TDRD9: variants seen among roughly 807,000 people sequenced by gnomAD.
TDRD9 encodes the protein ATP-dependent RNA helicase TDRD9.
A neutral mutation model predicts 172.6 loss-of-function variants in TDRD9; 124 were observed. The ratio of observed to expected loss-of-function variants is 0.72; its 90% CI spans 0.62 to 0.83. The LOEUF (loss-of-function observed/expected upper bound fraction) is 0.83, where lower values mean the gene tolerates loss of function less well. Among genes scored for constraint, TDRD9 ranks in the 40% least tolerant of loss-of-function variants. The pLI, the probability that TDRD9 is intolerant of heterozygous loss-of-function variation, is 0.00. For missense variants in TDRD9, 1,479 were observed against 1,714.1 expected (o/e 0.86, Z 2.42); for synonymous variants, 619 against 617.1 (o/e 1.00, Z -0.05).
intron 1 of TDRD9, chr14:103,940,955 G>A: frequency 6.5e-7 from 1 of 1,535,388 alleles, no homozygotes; most frequent in East Asian, 2.4e-5. Context: ...ATCACAGAAG[G>A]AGCAGAGCAG....
At chr14:103,992,592 G>T (rs968997227) in intron 9 of TDRD9, among the ~76,000 whole-genome samples, 1 of 152,076 alleles carries the variant, frequency 6.6e-6, no homozygotes, top group African/African-American at 2.4e-5. Flanking sequence ...CAGTGCTCAC[G>T]CCTGGAATCC....
At chr14:103,999,161 G>C (rs138170848) in intron 13 of TDRD9, among the ~76,000 whole-genome samples, 54 of 152,276 alleles carry the variant, frequency 3.5e-4, no homozygotes, top group African/African-American at 1.3e-3. Context: ...CTTGGAACGA[G>C]TTTTAAGTTT....
At chr14:103,965,968 CAAAA>C (rs1158333461) in intron 4 of TDRD9, among the ~76,000 whole-genome samples, 1 of 151,412 alleles carries the variant, frequency 6.6e-6, no homozygotes, top group African/African-American at 2.4e-5. Context: ...AACAAACAAA[CAAAA>C]AAAGAAACCA....
Position 103,966,640 on chromosome 14 carries a change from TATATTA to T in TDRD9, c.643-65_643-60del, listed in dbSNP as rs2032760523. On this transcript the variant is annotated intron_variant, in intron 4 of 35. Coordinates refer to ENST00000409874, the MANE Select transcript of TDRD9 (RefSeq NM_153046.3). ...TTTTCATTCCCTTTCTTACCCCCAT[TATATTA>T]ATAAAATGGACATAACTTTTTTTTT... 5.1e-6 allele frequency: 7 copies of T among 1,385,778 alleles called. No homozygotes were observed. In the South Asian group the frequency reaches 1.1e-4, roughly 22 times the overall value. 85.8% of individuals were successfully genotyped at this position (1,385,778 alleles called of 1,614,324 possible).
chr14:103,935,197 A>G (rs1210612546), intron 1 of TDRD9, among the ~76,000 whole-genome samples: 2 of 152,172 alleles, frequency 1.3e-5, no homozygotes, highest in Non-Finnish European at 2.9e-5. Context: ...CTTTCTCCAC[A>G]TCTTGTTGAT....
Position 104,006,355 on chromosome 14 carries a change from T to C in TDRD9, c.1714-34T>C, listed in dbSNP as rs755240876. 9 of 1,593,322 alleles carry C rather than the reference T, an allele frequency of 5.6e-6. No homozygotes were observed. The East Asian group carries it at 2.0e-4, about 36-fold the overall frequency. ...AGGGGAAGAAGTATGAGTAAGTCAG[T>C]GCTTGATAATAACACTAATTTTATT... On this transcript the variant is annotated intron_variant, in intron 15 of 35. Coordinates refer to ENST00000409874, the MANE Select transcript of TDRD9 (RefSeq NM_153046.3).
Position 104,052,168 on chromosome 14 carries a change from T to C in TDRD9, c.*86T>C, listed in dbSNP as rs1031177845. ...CTCCCTCCGCAGACTGACTTTCCTC[T>C]GTGTCTGGGTGTTACAGTCTGTGCC... On this transcript the variant is annotated 3_prime_UTR_variant, in exon 36 of 36. Coordinates refer to ENST00000409874, the MANE Select transcript of TDRD9 (RefSeq NM_153046.3). 8.0e-6 allele frequency: 7 copies of C among 880,028 alleles called. No homozygotes were observed. In the African/African-American group the frequency reaches 1.2e-4, roughly 15 times the overall value. 54.5% of individuals were successfully genotyped at this position (880,028 alleles called of 1,614,324 possible). A position where few individuals can be genotyped will look rare whatever the true frequency, so the allele number is the denominator to read the frequency against.
Position 104,004,321 on chromosome 14 carries a change from G to C in TDRD9, c.1567G>C (p.Val523Leu). The stretch of plus-strand genomic sequence containing the variant: ...GGACAACTCCATCCCTGATCATGTT[G>C]TTCCTGAGATGTTGGTAATTCACTT... ...FWDNSIPDHVVPEMLRCPLGS... is the reference protein window; with the variant it reads ...FWDNSIPDHVLPEMLRCPLGS... The change falls in exon 14 of 36, where the codon GTT becomes CTT. Residue 523 changes from valine to leucine, a missense_variant. Coordinates refer to ENST00000409874, the MANE Select transcript of TDRD9 (RefSeq NM_153046.3). The C allele has an allele frequency of 6.3e-7, 1 of 1,583,070 alleles. No individual in the cohort carries two copies. Among genetic ancestry groups the C allele is most frequent in the Middle Eastern group, 1.7e-4 (1 of 5,990 alleles).
chr14:104,017,667 T>C (rs1390497296), intron 22 of TDRD9, among the ~76,000 whole-genome samples: 2 of 152,240 alleles, frequency 1.3e-5, no homozygotes, highest in Non-Finnish European at 2.9e-5. Context: ...TTTGATCATG[T>C]GCTATTTGGT....
intron 31 of TDRD9, among the ~76,000 whole-genome samples, chr14:104,034,484 C>G (rs1268136901): frequency 6.6e-6 from 1 of 152,192 alleles, no homozygotes; most frequent in Non-Finnish European, 1.5e-5. Flanking sequence ...GCCACCGCGC[C>G]CAGCTTACGT....
intron 1 of TDRD9, chr14:103,941,375 TAA>T: frequency 6.6e-7 from 1 of 1,505,444 alleles, no homozygotes; most frequent in Non-Finnish European, 8.9e-7. Context: ...GCAGGAATCA[TAA>T]GAGAACATAG....
chr14:103,977,358 C>T (rs1240524153), intron 7 of TDRD9, among the ~76,000 whole-genome samples: 6 of 151,598 alleles, frequency 4.0e-5, no homozygotes, highest in African/African-American at 1.5e-4. Context: ...CCGGGCGTGG[C>T]GGCAGGTGCC....
intron 1 of TDRD9, among the ~76,000 whole-genome samples, chr14:103,935,504 T>G (rs1033803120): frequency 2.6e-5 from 4 of 152,244 alleles, no homozygotes; most frequent in South Asian, 4.1e-4. Flanking sequence ...ATACCAGGAT[T>G]GATTTTGAAC....
chr14:103,933,966 T>C (rs1420418314), intron 1 of TDRD9, among the ~76,000 whole-genome samples: 1 of 152,228 alleles, frequency 6.6e-6, no homozygotes, highest in Non-Finnish European at 1.5e-5. Context: ...AGGCCTCACA[T>C]AGATGTTAGT....
chr14:104,025,117 G>A (rs1378073309), intron 25 of TDRD9, among the ~76,000 whole-genome samples: 1 of 152,170 alleles, frequency 6.6e-6, no homozygotes, highest in Non-Finnish European at 1.5e-5. Context: ...GAGTAGCTGG[G>A]ATTACAGGTG....
chr14:103,963,830 C>T (rs544594212), intron 3 of TDRD9, among the ~76,000 whole-genome samples: 7 of 152,184 alleles, frequency 4.6e-5, no homozygotes, highest in African/African-American at 1.7e-4. Context: ...AATTAGAGGC[C>T]AGTATTCAAA....
chr14:103,958,894 G>A (rs2032371350), intron 2 of TDRD9, among the ~76,000 whole-genome samples: 1 of 152,194 alleles, frequency 6.6e-6, no homozygotes, highest in African/African-American at 2.4e-5. Context: ...GGATGAGATA[G>A]GCAAGACTAG....
chr14:104,026,623 A>T, intron 27 of TDRD9, 56 bp from the exon 28 acceptor site: 1 of 1,582,962 alleles, frequency 6.3e-7, no homozygotes, highest in Non-Finnish European at 8.6e-7. Context: ...GGTATTTGGG[A>T]TGAGTGTTTT....
intron 32 of TDRD9, among the ~76,000 whole-genome samples, chr14:104,038,184 T>C (rs2035507294): frequency 6.6e-6 from 1 of 152,140 alleles, no homozygotes; most frequent in African/African-American, 2.4e-5. Context: ...AAGATGGTGC[T>C]TCTGAACAGG....
Sources: gnomAD v4.1 joint callset for allele counts (sites outside exome capture counted in the v4.1 genomes callset) on GRCh38, gnomAD v4.1.1 for gene constraint, MANE v1.5 for transcripts, NCBI Gene and HGNC (gene_info 2026-07-23, HGNC 2026-07-21) for gene names.